Variants in CNTN5 observed in about 807,000 individuals in gnomAD.
CNTN5 encodes the protein contactin 5.
Under a neutral mutation model 129.1 loss-of-function variants are expected in CNTN5, and 77 were observed. The ratio of observed to expected loss-of-function variants is 0.60; its 90% confidence interval spans 0.50 to 0.72. The LOEUF is 0.72. Among genes scored for constraint, CNTN5 ranks in the 30% least tolerant of loss-of-function variants. The pLI, the probability that CNTN5 is intolerant of heterozygous loss-of-function variation, is 0.00. For synonymous variants in CNTN5, 509 were observed against 465.6 expected (o/e 1.09, Z -1.20); for missense variants, 1,478 against 1,328.8 (o/e 1.11, Z -1.75).
chr11:99,313,743 C>T (rs1865215910), intron 1 of CNTN5, among the ~76,000 whole-genome samples: 1 of 152,038 alleles, frequency 6.6e-6, no homozygotes, highest in Admixed American at 6.6e-5. Flanking sequence ...ACAAACTCCA[C>T]TTAAACTGTG....
At chr11:99,842,443 C>G (rs373213641) in intron 4 of CNTN5, among the ~76,000 whole-genome samples, 1 of 152,166 alleles carries the variant, frequency 6.6e-6, no homozygotes, top group Non-Finnish European at 1.5e-5. Flanking sequence ...CCTACTAATA[C>G]TGTAAAGTAG....
chr11:99,056,403 G>T (rs552616300), intron 1 of CNTN5, among the ~76,000 whole-genome samples: 11 of 151,964 alleles, frequency 7.2e-5, no homozygotes, highest in African/African-American at 2.7e-4. Flanking sequence ...AAAAACTAAG[G>T]GTGGGTCAAG....
chr11:100,145,117 C>G (rs1946810206), intron 13 of CNTN5, among the ~76,000 whole-genome samples: 1 of 152,106 alleles, frequency 6.6e-6, no homozygotes, highest in Non-Finnish European at 1.5e-5. Flanking sequence ...AAAGTCACTT[C>G]TTGATGTCTC....
chr11:99,370,232 A>T (rs561962017), intron 2 of CNTN5, among the ~76,000 whole-genome samples: 1 of 152,168 alleles, frequency 6.6e-6, no homozygotes, highest in East Asian at 1.9e-4. Flanking sequence ...CTTGGTATCA[A>T]TTTTCCTGTA....
chr11:99,259,176 G>A (rs1862516646), intron 1 of CNTN5, among the ~76,000 whole-genome samples: 1 of 151,740 alleles, frequency 6.6e-6, no homozygotes. Flanking sequence ...CATTTGCTAT[G>A]CACAAATTAT....
At chr11:99,175,449 G>C (rs1476348061) in intron 1 of CNTN5, among the ~76,000 whole-genome samples, 1 of 152,028 alleles carries the variant, frequency 6.6e-6, no homozygotes, top group African/African-American at 2.4e-5. Context: ...AACCTTTAGA[G>C]CTTACTAGAA....
chr11:99,896,325 G>T (rs1949205465), intron 6 of CNTN5, among the ~76,000 whole-genome samples: 1 of 152,156 alleles, frequency 6.6e-6, no homozygotes, highest in East Asian at 1.9e-4. Flanking sequence ...TGTGTTCTGA[G>T]TACATACCTT....
rs555216353 is a variant in CNTN5, at chr11:99,626,649, C to T, written c.55+70380C>T. ...CATTTTATTTTTTTTGTATAAAATA[C>T]TATATATGAGGATAAAGATCTATGT... On this transcript the variant is annotated intron_variant, in intron 3 of 24. Transcript: ENST00000524871. 1.9e-4 allele frequency among the ~76,000 whole-genome samples: 29 copies of T among 152,042 alleles called. No homozygotes were observed. The South Asian group carries it at 4.8e-3, about 25-fold the overall frequency.
At chr11:100,220,103 C>G (rs1310022880) in intron 15 of CNTN5, among the ~76,000 whole-genome samples, 1 of 151,708 alleles carries the variant, frequency 6.6e-6, no homozygotes, top group Non-Finnish European at 1.5e-5. Context: ...CAGTGAATCC[C>G]TGTCTCTACT....
At chr11:99,634,839 G>A (rs1951492443) in intron 3 of CNTN5, among the ~76,000 whole-genome samples, 1 of 152,126 alleles carries the variant, frequency 6.6e-6, no homozygotes, top group South Asian at 2.1e-4. Context: ...CTGGTGAAAG[G>A]TGACCCGTGT....
intron 21 of CNTN5, among the ~76,000 whole-genome samples, chr11:100,335,812 C>G (rs1302427868): frequency 6.6e-6 from 1 of 151,770 alleles, no homozygotes; most frequent in Non-Finnish European, 1.5e-5. Flanking sequence ...TCTCTATACT[C>G]TCCTACAGGT....
chr11:99,889,322 G>GTGTT (rs1555147157), intron 6 of CNTN5, among the ~76,000 whole-genome samples: 9 of 73,312 alleles, frequency 1.2e-4, no homozygotes, highest in Admixed American at 8.9e-4. Flanking sequence ...GTGTGTGTGT[G>GTGTT]TGTGTGTGTG....
intron 20 of CNTN5, among the ~76,000 whole-genome samples, chr11:100,307,896 C>T (rs866851740): frequency 6.5e-4 from 99 of 151,656 alleles, no homozygotes; most frequent in African/African-American, 2.2e-3. Flanking sequence ...GATAAATACT[C>T]TCATTATAGT....
At chr11:99,272,911 T>G (rs1163488158) in intron 1 of CNTN5, among the ~76,000 whole-genome samples, 1 of 151,850 alleles carries the variant, frequency 6.6e-6, no homozygotes, top group Non-Finnish European at 1.5e-5. Flanking sequence ...TTAAAGAAAA[T>G]ACTCCTTATA....
chr11:99,386,905 A>G (rs957182792), intron 2 of CNTN5, among the ~76,000 whole-genome samples: 4 of 151,984 alleles, frequency 2.6e-5, no homozygotes, highest in Admixed American at 6.6e-5. Flanking sequence ...ATTTAAACAA[A>G]AAAACTTTTA....
chr11:99,995,506 C>CT (rs903862770), intron 8 of CNTN5, among the ~76,000 whole-genome samples: 1 of 152,004 alleles, frequency 6.6e-6, no homozygotes, highest in African/African-American at 2.4e-5. Context: ...AAAGGTAGCC[C>CT]TTTTTTTCCC....
Position 99,879,476 on chromosome 11 carries a change from A to T in CNTN5, c.577+34214A>T, listed in dbSNP as rs1948717618. On this transcript the variant is annotated intron_variant, in intron 6 of 24. Coordinates refer to ENST00000524871, the MANE Select transcript of CNTN5 (RefSeq NM_014361.4). ...TTGGCATTTTGAAATTGGACAGAAC[A>T]GGTAAACATAGAAGCTCCCAAAACT... Among the ~76,000 whole-genome samples the T allele has an allele frequency of 5.9e-5, 9 of 152,344 alleles. 1 individual carries two copies. In the South Asian group the frequency reaches 1.9e-3, roughly 32 times the overall value.
intron 1 of CNTN5, among the ~76,000 whole-genome samples, chr11:99,222,777 A>G (rs1860462986): frequency 6.6e-6 from 1 of 152,142 alleles, no homozygotes. Context: ...TTTCAAGTCA[A>G]TTATTTAAAG....
At chr11:99,496,025 C>T (rs1946211801) in intron 2 of CNTN5, among the ~76,000 whole-genome samples, 1 of 152,072 alleles carries the variant, frequency 6.6e-6, no homozygotes, top group South Asian at 2.1e-4. Context: ...TGTTTAAGCA[C>T]ATTAATTTAA....
Sources: allele counts gnomAD v4.1 joint callset (sites outside exome capture counted in the v4.1 genomes callset), GRCh38; gene constraint gnomAD v4.1.1; transcripts MANE v1.5; gene names NCBI Gene and HGNC (gene_info 2026-07-23, HGNC 2026-07-21).